The following TPM2 variants were observed in gnomAD, a reference collection of about 807,000 sequenced individuals.
The protein encoded by TPM2 is tropomyosin beta chain.
TPM2 carries 26 observed loss-of-function variants against 41.0 expected under a neutral mutation model. The observed-to-expected ratio is 0.63, with a 90% CI of 0.46 to 0.88. The LOEUF is 0.88. Ranked by LOEUF, TPM2 falls within the 40% of genes least tolerant of loss-of-function variation. The pLI is 0.00. For missense variants in TPM2, 187 were observed against 355.2 expected, an observed-to-expected ratio of 0.53 and a Z score of 3.81; for synonymous variants, 143 against 139.3, an observed-to-expected ratio of 1.03 and a Z score of -0.19.
chr9:35,690,042 G>A (rs1825171235), upstream of TPM2: 4 of 1,349,930 alleles, frequency 3.0e-6, no homozygotes, highest in Admixed American at 6.4e-5. Context: ...CGGCCCGGCC[G>A]GGGGGTGCGG....
intron 2 of TPM2, among the ~76,000 whole-genome samples, chr9:35,686,727 G>A (rs1824937049): frequency 1.3e-5 from 2 of 152,112 alleles, no homozygotes; most frequent in South Asian, 4.1e-4. Flanking sequence ...CAAGAGGCAG[G>A]CCTATAAGGA....
chr9:35,685,790 A>G lies in TPM2; in HGVS notation c.241-10T>C. On this transcript the variant is annotated splice_polypyrimidine_tract_variant and intron_variant, in intron 2 of 8. Coordinates refer to ENST00000645482, the MANE Select transcript of TPM2 (RefSeq NM_003289.4). This position sits in a 1 kb window ranked among gnomAD's most constrained non-coding sequence, Gnocchi z 5.0. ...CCACATCTGCCTCAGCCTGTGGGTC[A>G]GAGGTCAGGGGTCAAAAAGGCCTTG... The G allele has an allele frequency of 6.2e-7, 1 of 1,614,088 alleles. No homozygotes were observed. The highest frequency in any genetic ancestry group is 8.5e-7 in the Non-Finnish European group (1 of 1,180,044).
chr9:35,689,965 G>A, upstream of TPM2: 1 of 1,533,536 alleles, frequency 6.5e-7, no homozygotes. Context: ...AGGCGGGGAG[G>A]GACCGGGCGG....
In TPM2 at chr9:35,684,514, T is replaced by G; in HGVS notation, c.676A>C (p.Lys226Gln). Residue 226 changes from lysine (K) to glutamine (Q), a missense_variant, in exon 7 of 9, where the codon AAA (lysine) becomes CAA (glutamine). Physicochemically the swap from Lys to Gln is moderately conservative, Grantham distance 53. Coordinates refer to ENST00000645482, the MANE Select transcript of TPM2 (RefSeq NM_003289.4). ...TCCTTCAGCTTCTCCTCCAACAGTTTGATCTCCTCTTCATATTTATCTTCT... is the reference window on the plus strand; with the variant it reads ...TCCTTCAGCTTCTCCTCCAACAGTTGGATCTCCTCTTCATATTTATCTTCT... The part of the protein sequence containing the change: ...TKEDKYEEEI[K>Q]LLEEKLKEAE... The G allele has an allele frequency of 6.2e-7, 1 of 1,614,186 alleles. No individual in the cohort carries two copies. Among genetic ancestry groups the G allele is most frequent in the Non-Finnish European group, 8.5e-7 (1 of 1,180,034 alleles).
downstream of TPM2, chr9:35,682,109 T>C: frequency 6.2e-7 from 1 of 1,614,192 alleles, no homozygotes; most frequent in Non-Finnish European, 8.5e-7. Flanking sequence ...CAGCAGGGTC[T>C]GGTCCAAGGT....
At chr9:35,687,741 CTG>C (rs373866208) in intron 2 of TPM2, among the ~76,000 whole-genome samples, 14 of 150,786 alleles carry the variant, frequency 9.3e-5, no homozygotes, top group African/African-American at 3.4e-4. Flanking sequence ...AGAGGTGAGA[CTG>C]TAAAAGAAAA....
In TPM2 at chr9:35,684,584, G is replaced by A. The variant is rs145192064; in HGVS notation, c.640-34C>T. ...GACACACACACGCCATCAGTACAGC[G>A]CTACCACAGATCCTTCATTTCTCCA... On this transcript the variant is annotated intron_variant, in intron 6 of 8. Coordinates refer to ENST00000645482, the MANE Select transcript of TPM2 (RefSeq NM_003289.4). The A allele has an allele frequency of 8.6e-4, 1,388 of 1,613,660 alleles. 5 individuals carry two copies. In the African/African-American group the frequency reaches 0.013, roughly 15 times the overall value.
At position 35,689,391 on chromosome 9, in the gene TPM2, A is replaced by G. The variant is rs1825121936; in HGVS notation, c.115-120T>C. The G allele has an allele frequency of 2.0e-6, 3 of 1,512,712 alleles. No individual in the cohort carries two copies. The Admixed American group carries it at 6.4e-5, about 32-fold the overall frequency. The allele number at this position is 1,512,712 out of a possible 1,614,324, so 93.7% of individuals were successfully genotyped here. On this transcript the variant is annotated intron_variant, in intron 1 of 8. Transcript: ENST00000645482. ...GCTACTGGGATGGAAGCGGAATAACATAAAAGGGACAGTACAGTCAAGGGT... is the reference window on the plus strand; with the variant it reads ...GCTACTGGGATGGAAGCGGAATAACGTAAAAGGGACAGTACAGTCAAGGGT...
rs200230470 is a variant in TPM2 at position 35,684,233 on chromosome 9, A to C, written c.772+13T>G. On this transcript the variant is annotated intron_variant, in intron 8 of 8. Coordinates refer to ENST00000645482, the MANE Select transcript of TPM2 (RefSeq NM_003289.4). ...ACGGCAGGTGTGGACCTACTTATAA[A>C]GGCTTCTTTTACCTTCTAGGTCATC... 4 of 1,613,848 alleles carry C rather than the reference A, an allele frequency of 2.5e-6. No individual in the cohort carries two copies. The highest frequency in any genetic ancestry group is 3.4e-6 in the Non-Finnish European group (4 of 1,179,724).
intron 2 of TPM2, among the ~76,000 whole-genome samples, chr9:35,686,973 G>A (rs894712998): frequency 1.3e-5 from 2 of 152,222 alleles, no homozygotes; most frequent in African/African-American, 2.4e-5. Flanking sequence ...TAAGAGCATC[G>A]GCTCTGAGTC....
downstream of TPM2, chr9:35,682,592 T>C: frequency 8.0e-7 from 1 of 1,255,890 alleles, no homozygotes; most frequent in South Asian, 1.4e-5. Flanking sequence ...CCAGACCTTT[T>C]GCAACCTTCT....
At position 35,684,588 on chromosome 9, in the gene TPM2, C is replaced by A. The variant is rs777171445; in HGVS notation, c.640-38G>T. 3.7e-6 allele frequency: 6 copies of A among 1,613,664 alleles called. No individual in the cohort carries two copies. In the African/African-American group the frequency reaches 8.0e-5, roughly 22 times the overall value. On this transcript the variant is annotated intron_variant, in intron 6 of 8. Transcript: ENST00000645482. ...CACACACGCCATCAGTACAGCGCTA[C>A]CACAGATCCTTCATTTCTCCATTGT... is the stretch of plus-strand genomic sequence containing the variant.
intron 2 of TPM2, among the ~76,000 whole-genome samples, chr9:35,687,320 C>A (rs1824978011): frequency 6.6e-6 from 1 of 152,034 alleles, no homozygotes; most frequent in African/African-American, 2.4e-5. Flanking sequence ...TGTAAAATAA[C>A]ATGCAGAAAG....
intron 2 of TPM2, among the ~76,000 whole-genome samples, chr9:35,687,830 T>C (rs1436805606): frequency 1.3e-5 from 2 of 152,134 alleles, no homozygotes; most frequent in Non-Finnish European, 2.9e-5. Context: ...GGGACTGATA[T>C]GTGCCATTTC....
chr9:35,689,903 G>T lies in TPM2; in HGVS notation c.-86C>A. On this transcript the variant is annotated 5_prime_UTR_variant, in exon 1 of 9. In the 5' UTR this introduces an upstream ATG that the reference lacks. Transcript: ENST00000645482. ...GAGCGGACTGGGTGCACCGGTGGCA[G>T]GCGAGGAGGACGGAGCGGGACTGGG... 6.2e-7 allele frequency: 1 copy of T among 1,605,902 alleles called. No homozygotes were observed. The highest frequency in any genetic ancestry group is 8.5e-7 in the Non-Finnish European group (1 of 1,177,898).
chr9:35,686,022 G>A (rs1038407330), intron 2 of TPM2, among the ~76,000 whole-genome samples: 1 of 152,202 alleles, frequency 6.6e-6, no homozygotes. Flanking sequence ...AGGCCGAGGC[G>A]GGTGGATCAC....
downstream of TPM2, chr9:35,682,057 C>A (rs1369762284): frequency 6.2e-7 from 1 of 1,613,902 alleles, no homozygotes; most frequent in Admixed American, 1.7e-5. Flanking sequence ...GCAACCATAG[C>A]CTGGCTGGGG....
rs148102750 is a variant in TPM2 at position 35,689,026 on chromosome 9, T to C, written c.240+120A>G. On this transcript the variant is annotated intron_variant, in intron 2 of 8. Transcript: ENST00000645482. Reference sequence around the variant, plus strand: ...AGCCCTGGTTACTGAGATGAAACCATTTCTCTCCTGGCGCTGGGGACATAA... The same window carrying C: ...AGCCCTGGTTACTGAGATGAAACCACTTCTCTCCTGGCGCTGGGGACATAA... 3.2e-3 allele frequency: 3,915 copies of C among 1,231,902 alleles called. 11 individuals carry two copies. Among genetic ancestry groups the C allele is most frequent in the Non-Finnish European group, 3.8e-3 (3,218 of 842,600 alleles). 76.3% of individuals were successfully genotyped at this position (1,231,902 alleles called of 1,614,324 possible).
downstream of TPM2, chr9:35,682,499 G>A: frequency 7.8e-7 from 1 of 1,279,984 alleles, no homozygotes; most frequent in Non-Finnish European, 1.0e-6. Flanking sequence ...GGGCCAGACA[G>A]ACAGACTTGA....
Sources: gnomAD v4.1 joint callset for allele counts (sites outside exome capture counted in the v4.1 genomes callset) on GRCh38, gnomAD v4.1.1 for gene constraint, Gnocchi (gnomAD v3.1) non-coding constraint, MANE v1.5 for transcripts, NCBI Gene and HGNC (gene_info 2026-07-23, HGNC 2026-07-21) for gene names.